Variants in TIAM1 observed in about 807,000 individuals in gnomAD.
The protein encoded by TIAM1 is TIAM Rac1 associated GEF 1, also known as rho guanine nucleotide exchange factor TIAM1.
In TIAM1, 65 loss-of-function variants were observed where a neutral mutation model predicts 163.5. The ratio of observed to expected loss-of-function variants is 0.40; its 90% CI spans 0.33 to 0.49. The LOEUF (loss-of-function observed/expected upper bound fraction) is 0.49, where lower values mean the gene tolerates loss of function less well. Among genes scored for constraint, TIAM1 ranks in the 20% least tolerant of loss-of-function variants. The probability of loss-of-function intolerance (pLI) is 0.77; values close to 1 mark genes in which losing one functional copy is unlikely to be tolerated. For missense variants in TIAM1, 1,789 were observed against 2,044.7 expected (o/e 0.87, Z 2.41); for synonymous variants, 833 against 810.1 (o/e 1.03, Z -0.48).
intron 2 of TIAM1, among the ~76,000 whole-genome samples, chr21:31,291,819 A>G (rs532860045): frequency 6.6e-6 from 1 of 152,268 alleles, no homozygotes; most frequent in South Asian, 2.1e-4. Flanking sequence ...CACCGTGCCC[A>G]GCCGAATTCC....
chr21:31,395,927 G>A lies in TIAM1; in HGVS notation c.-368-56505C>T, dbSNP rs538397281. On this transcript the variant is annotated intron_variant, in intron 2 of 28. Transcript: ENST00000286827. This position sits in a 1 kb window ranked among gnomAD's most constrained non-coding sequence, Gnocchi z 7.5. ...AAATAAGGCTGTCTAGCAAATGAGG[G>A]CATCATTCTTCCTCTAGATTTAAAA... Among the ~76,000 whole-genome samples, 4 of 152,198 alleles carry A rather than the reference G, an allele frequency of 2.6e-5. No individual in the cohort carries two copies. Among genetic ancestry groups the A allele is most frequent in the African/African-American group, 9.6e-5 (4 of 41,498 alleles).
Position 31,210,691 on chromosome 21 carries a change from A to AGGG in TIAM1, c.2218-477_2218-476insCCC, listed in dbSNP as rs2086782894. On this transcript the variant is annotated intron_variant, in intron 10 of 27. Coordinates refer to ENST00000541036, the MANE Select transcript of TIAM1 (RefSeq NM_001353694.2). ...AAAAAGAAAGAAAGAAAGAAAAAGA[A>AGGG]AGAAAGAAAGAAAGAGAAAGAAAGA... Among the ~76,000 whole-genome samples the AGGG allele has an allele frequency of 2.4e-5, 2 of 82,624 alleles. 1 individual carries two copies. Among genetic ancestry groups the AGGG allele is most frequent in the Admixed American group, 2.6e-4 (2 of 7,596 alleles). 54.2% of individuals were successfully genotyped at this position (82,624 alleles called of 152,430 possible). A position where few individuals can be genotyped will look rare whatever the true frequency, so the allele number is the denominator to read the frequency against.
At chr21:31,453,690 G>GTAAATAAATAAATAAA (rs766672469) in intron 2 of TIAM1, among the ~76,000 whole-genome samples, 2 of 11,278 alleles carry the variant, frequency 1.8e-4, no homozygotes, top group African/African-American at 3.1e-4. Context: ...TCCATCTCCA[G>GTAAATAAATAAATAAA]TAAATAAATA....
chr21:31,195,423 A>T, intron 12 of TIAM1, 118 bp from the exon 13 acceptor site: 1 of 710,098 alleles, frequency 1.4e-6, no homozygotes, highest in Non-Finnish European at 2.3e-6. Flanking sequence ...TGCACTTCAC[A>T]ATCTTATCAT....
chr21:31,340,187 T>A (rs754216608), intron 1 of TIAM1, among the ~76,000 whole-genome samples: 21 of 150,770 alleles, frequency 1.4e-4, no homozygotes, highest in Non-Finnish European at 3.0e-4. Context: ...CAATACTAGA[T>A]GCATAAATAA....
At chr21:31,274,571 C>A (rs2073204897) in intron 3 of TIAM1, among the ~76,000 whole-genome samples, 1 of 152,144 alleles carries the variant, frequency 6.6e-6, no homozygotes, top group Non-Finnish European at 1.5e-5. Flanking sequence ...TAGCAGACAG[C>A]AGGACAGGAT....
At chr21:31,555,528 C>T (rs998174244) in intron 1 of TIAM1, among the ~76,000 whole-genome samples, 3 of 152,150 alleles carry the variant, frequency 2.0e-5, no homozygotes, top group African/African-American at 7.2e-5. Flanking sequence ...AGCCTGAGTC[C>T]GTGGTGTTCA....
intron 26 of TIAM1, among the ~76,000 whole-genome samples, chr21:31,126,644 C>A (rs150704430): frequency 7.9e-5 from 12 of 151,918 alleles, no homozygotes; most frequent in Non-Finnish European, 1.8e-4. Flanking sequence ...ATATATTAAA[C>A]GCCATCTGTT....
intron 2 of TIAM1, among the ~76,000 whole-genome samples, chr21:31,433,799 T>A (rs2044120682): frequency 6.6e-6 from 1 of 152,012 alleles, no homozygotes; most frequent in Non-Finnish European, 1.5e-5. Context: ...TATTTCTAAA[T>A]GTCCTTTTTT....
intron 1 of TIAM1, among the ~76,000 whole-genome samples, chr21:31,498,583 G>A (rs569800534): frequency 6.6e-6 from 1 of 152,346 alleles, no homozygotes; most frequent in East Asian, 1.9e-4. Context: ...ACTGTAGCCT[G>A]AAATGTGATT....
At chr21:31,423,390 G>A (rs949131859) in intron 2 of TIAM1, among the ~76,000 whole-genome samples, 1 of 151,968 alleles carries the variant, frequency 6.6e-6, no homozygotes, top group Non-Finnish European at 1.5e-5. Flanking sequence ...GAGCCACCGC[G>A]CCCAGCCTGG....
intron 1 of TIAM1, among the ~76,000 whole-genome samples, chr21:31,537,738 C>A (rs1187155883): frequency 2.0e-5 from 3 of 150,278 alleles, no homozygotes; most frequent in South Asian, 2.1e-4. Flanking sequence ...GGCAACAGAG[C>A]AAGTCTATCT....
chr21:31,410,471 G>T (rs2077333615), intron 2 of TIAM1, among the ~76,000 whole-genome samples: 1 of 147,494 alleles, frequency 6.8e-6, no homozygotes. Flanking sequence ...GAGCATGTGT[G>T]AGCGACTGTG....
chr21:31,413,264 C>CTTTTTTTTTTTTTTTTTTTTTTTTTTTT (rs397866519), intron 2 of TIAM1, among the ~76,000 whole-genome samples: 2 of 87,878 alleles, frequency 2.3e-5, no homozygotes, highest in Non-Finnish European at 4.1e-5. Context: ...CTTTTCTTTT[C>CTTTTTTTTTTTTTTTTTTTTTTTTTTTT]TTTTTTTTTT....
At chr21:31,509,899 A>G (rs1423615071) in intron 1 of TIAM1, among the ~76,000 whole-genome samples, 1 of 152,190 alleles carries the variant, frequency 6.6e-6, no homozygotes, top group Non-Finnish European at 1.5e-5. Flanking sequence ...CCACCACGAG[A>G]GTGTGTTTAT....
intron 13 of TIAM1, among the ~76,000 whole-genome samples, chr21:31,187,676 C>T (rs1568992377): frequency 6.6e-6 from 1 of 152,120 alleles, no homozygotes; most frequent in Admixed American, 6.5e-5. Context: ...CTTCTCTGGG[C>T]TCCCAGAGCT....
Position 31,225,942 on chromosome 21 carries a change from G to A in TIAM1, c.1593C>T (p.Ser531=), listed in dbSNP as rs776014826. Residue 531 remains serine, a synonymous_variant, in exon 7 of 28, where the codon AGC becomes AGT. Coordinates refer to ENST00000541036, the MANE Select transcript of TIAM1 (RefSeq NM_001353694.2). The part of the protein sequence containing the change: ...LGDAFLFQTT[S]QTELENWITA... ...TGATCCAGTTTTCAAGCTCCGTCTG[G>A]CTAGTGGTCTGTACCAGGAAGAAGG... The A allele has an allele frequency of 6.2e-7, 1 of 1,614,068 alleles. No individual in the cohort carries two copies. Among genetic ancestry groups the A allele is most frequent in the Non-Finnish European group, 8.5e-7 (1 of 1,180,004 alleles).
intron 2 of TIAM1, among the ~76,000 whole-genome samples, chr21:31,438,659 T>A (rs2147295520): frequency 6.6e-6 from 1 of 152,310 alleles, no homozygotes; most frequent in South Asian, 2.1e-4. Flanking sequence ...CCAAGTCCTC[T>A]TTTGTATCCC....
chr21:31,556,625 T>C (rs2048889769), intron 1 of TIAM1, among the ~76,000 whole-genome samples: 1 of 152,122 alleles, frequency 6.6e-6, no homozygotes, highest in Admixed American at 6.5e-5. Context: ...TTTATTTCTA[T>C]ATGAAACTGA....
Sources: gnomAD v4.1 joint callset for allele counts (sites outside exome capture counted in the v4.1 genomes callset) on GRCh38, gnomAD v4.1.1 for gene constraint, Gnocchi (gnomAD v3.1) non-coding constraint, MANE v1.5 for transcripts, NCBI Gene and HGNC (gene_info 2026-07-23, HGNC 2026-07-21) for gene names.